Variants in KCNN3 observed in about 807,000 individuals in gnomAD.
KCNN3 encodes potassium calcium-activated channel subfamily N member 3.
A neutral mutation model predicts 62.9 loss-of-function variants in KCNN3; 16 were observed. The observed-to-expected ratio is 0.25, with a 90% CI of 0.17 to 0.39. The LOEUF is 0.39. Among genes scored for constraint, KCNN3 ranks in the 10% least tolerant of loss-of-function variants. The pLI, the probability that KCNN3 is intolerant of heterozygous loss-of-function variation, is 1.00. For missense variants in KCNN3, 599 were observed against 949.4 expected, an observed-to-expected ratio of 0.63 and a Z score of 4.85; for synonymous variants, 370 against 389.2, an observed-to-expected ratio of 0.95 and a Z score of 0.58.
At chr1:154,787,857 C>CTCTA (rs59119495) in intron 2 of KCNN3, among the ~76,000 whole-genome samples, 57,686 of 151,858 alleles carry the variant, frequency 0.38, 11,652 homozygotes, top group African/African-American at 0.51. Context: ...CTGCCACTTT[C>CTCTA]TCTGTCCTCC....
At chr1:154,791,976 A>T (rs962993201) in intron 2 of KCNN3, among the ~76,000 whole-genome samples, 1 of 152,222 alleles carries the variant, frequency 6.6e-6, no homozygotes, top group African/African-American at 2.4e-5. Flanking sequence ...GGCCAGGAAG[A>T]TCGCAAAGGA....
intron 1 of KCNN3, among the ~76,000 whole-genome samples, chr1:154,825,958 G>A (rs1390414695): frequency 1.3e-5 from 2 of 151,220 alleles, no homozygotes; most frequent in Non-Finnish European, 2.9e-5. Context: ...TGAGGCAGGA[G>A]AACGGCATGA....
In KCNN3 at chr1:154,771,988, G is replaced by A; in HGVS notation, c.1435C>T (p.Arg479Cys). ...CATGTGGAATACCTTTCACAGACAC[G>A]GACGGTCCAGGCAGCAATGATCCAC... ...SLWIIAAWTV[R>C]VCERYHDQQD... The change falls in exon 3 of 8, where the codon CGT becomes TGT. Residue 479 changes from arginine (R) to cysteine (C), a missense_variant. Physicochemically the swap from Arg to Cys is radical, Grantham distance 180. Transcript: ENST00000271915. The A allele has an allele frequency of 1.2e-6, 2 of 1,614,064 alleles. No individual in the cohort carries two copies. Among genetic ancestry groups the A allele is most frequent in the Non-Finnish European group, 1.7e-6 (2 of 1,180,030 alleles).
At position 154,708,096 on chromosome 1, in the gene KCNN3, G is replaced by T. The variant is rs758862833; in HGVS notation, c.2076C>A (p.Ile692=). ...RQQQQQLLSA[I]IEARGVSVAV... ...CCACGCTGACACCCCGGGCCTCGAT[G>T]ATGGCAGACAGGAGCTGCTGCTGCT... The change falls in exon 8 of 8, where the codon ATC becomes ATA. Residue 692 remains isoleucine, a synonymous_variant. Coordinates refer to ENST00000271915, the MANE Select transcript of KCNN3 (RefSeq NM_002249.6). 1.1e-5 allele frequency: 17 copies of T among 1,613,980 alleles called. No individual in the cohort carries two copies. The highest frequency in any genetic ancestry group is 1.4e-5 in the Non-Finnish European group (17 of 1,179,956).
In KCNN3 at chr1:154,705,245, C is replaced by A. The variant is rs1699945068; in HGVS notation, c.*2731G>T. On this transcript the variant is annotated 3_prime_UTR_variant, in exon 8 of 8. Transcript: ENST00000271915. The stretch of plus-strand genomic sequence containing the variant: ...AGGAAGAAAACTTGGGTGAGCTACA[C>A]CCAGAATAATTAATACTTAAGTCAT... 6.6e-6 allele frequency: 1 copy of A among 152,142 alleles called. No individual in the cohort carries two copies. The highest frequency in any genetic ancestry group is 1.5e-5 in the Non-Finnish European group (1 of 68,024). 9.4% of individuals were successfully genotyped at this position (152,142 alleles called of 1,614,324 possible).
intron 1 of KCNN3, among the ~76,000 whole-genome samples, chr1:154,844,298 C>G (rs189684247): frequency 2.0e-5 from 3 of 152,222 alleles, no homozygotes; most frequent in African/African-American, 7.2e-5. Context: ...GAGTAAGAGA[C>G]AAGGTTCTAG....
chr1:154,826,069 AAAAACAAAAACAAAAAC>A, intron 1 of KCNN3, among the ~76,000 whole-genome samples: 1 of 82,624 alleles, frequency 1.2e-5, no homozygotes, highest in African/African-American at 5.6e-5. Context: ...AAACAAAAAC[AAAAACAAAAACAAAAAC>A]AAAAAAAACC....
intron 2 of KCNN3, among the ~76,000 whole-genome samples, chr1:154,821,302 T>C (rs1226016080): frequency 6.6e-6 from 1 of 152,152 alleles, no homozygotes; most frequent in African/African-American, 2.4e-5. Context: ...CACATGCACA[T>C]GAGGAAAAAC....
chr1:154,726,099 G>T (rs376139489), intron 4 of KCNN3, 73 bp from the exon 5 acceptor site: 2 of 1,143,344 alleles, frequency 1.7e-6, no homozygotes, highest in Admixed American at 3.9e-5. Context: ...GACTCAACAC[G>T]CCTGGCGGCC....
At position 154,772,341 on chromosome 1, in the gene KCNN3, T is replaced by A; in HGVS notation, c.1082A>T (p.Glu361Val). 1 of 1,614,172 alleles carries A rather than the reference T, an allele frequency of 6.2e-7. No individual in the cohort carries two copies. Among genetic ancestry groups the A allele is most frequent in the South Asian group, 1.1e-5 (1 of 91,086 alleles). ...CTCCAGGCTGATGTACAGGATGCGC[T>A]CGTAGGTCATGGCTATCCGCCAGTC... is the stretch of plus-strand genomic sequence containing the variant. ...ADDWRIAMTYERILYISLEML... is the reference protein window; with the variant it reads ...ADDWRIAMTYVRILYISLEML... The change falls in exon 3 of 8, where the codon GAG becomes GTG. Residue 361 changes from glutamate to valine, a missense_variant. By Grantham distance (121) the Glu-to-Val change is moderately radical (BLOSUM62 -2). Coordinates refer to ENST00000271915, the MANE Select transcript of KCNN3 (RefSeq NM_002249.6). The surrounding 1 kb of genome is among the most constrained non-coding windows in gnomAD (Gnocchi z 5.6).
At chr1:154,737,206 T>TGGG (rs35539682) in intron 3 of KCNN3, 1 of 177,434 alleles carries the variant, frequency 5.6e-6, no homozygotes, top group South Asian at 8.6e-5. Flanking sequence ...ATAGAAAATT[T>TGGG]GGGGGGGGGG....
At chr1:154,795,442 T>C (rs1024093089) in intron 2 of KCNN3, among the ~76,000 whole-genome samples, 8 of 152,174 alleles carry the variant, frequency 5.3e-5, no homozygotes, top group African/African-American at 1.9e-4. Context: ...GTAAGGCTTC[T>C]CTGAAGGTTC....
chr1:154,864,907 G>A (rs1652896054), intron 1 of KCNN3, among the ~76,000 whole-genome samples: 2 of 152,062 alleles, frequency 1.3e-5, no homozygotes, highest in South Asian at 4.1e-4. Context: ...CAGATTGGTG[G>A]AAAAGAAGAG....
chr1:154,829,951 C>A (rs548394736), intron 1 of KCNN3, among the ~76,000 whole-genome samples: 2 of 152,132 alleles, frequency 1.3e-5, no homozygotes, highest in Non-Finnish European at 2.9e-5. Flanking sequence ...TTCTCACACC[C>A]CCACCAGAGT....
intron 2 of KCNN3, among the ~76,000 whole-genome samples, chr1:154,819,820 C>T (rs952702201): frequency 6.6e-6 from 1 of 152,170 alleles, no homozygotes; most frequent in Admixed American, 6.5e-5. Flanking sequence ...GTGGACCCAG[C>T]TGGTAAGTGC....
At chr1:154,847,047 CCT>C (rs1652094722) in intron 1 of KCNN3, among the ~76,000 whole-genome samples, 1 of 151,938 alleles carries the variant, frequency 6.6e-6, no homozygotes, top group African/African-American at 2.4e-5. Flanking sequence ...CACCCCCCTC[CCT>C]GAGCCCTGGG....
At position 154,869,491 on chromosome 1, in the gene KCNN3, G is replaced by A; in HGVS notation, c.474C>T (p.Ala158=). 6.2e-7 allele frequency: 1 copy of A among 1,614,066 alleles called. No individual in the cohort carries two copies. The highest frequency in any genetic ancestry group is 8.5e-7 in the Non-Finnish European group (1 of 1,180,004). The change falls in exon 1 of 8, where the codon GCC becomes GCT. Residue 158 remains alanine (A), a synonymous_variant. Coordinates refer to ENST00000271915, the MANE Select transcript of KCNN3 (RefSeq NM_002249.6). The surrounding 1 kb of genome is among the most constrained non-coding windows in gnomAD (Gnocchi z 6.1). The part of the protein sequence containing the change: ...GPGGGSRHRQ[A]SPLVHRRDSN... ...TGTCCCGCCGGTGCACCAGGGGGCT[G>A]GCCTGTCGGTGCCGGCTGCCTCCGC...
intron 3 of KCNN3, among the ~76,000 whole-genome samples, chr1:154,742,848 C>T (rs1409228273): frequency 6.6e-6 from 1 of 152,196 alleles, no homozygotes; most frequent in East Asian, 1.9e-4. Flanking sequence ...TCACCTGGGG[C>T]TTCGTCCTAG....
At chr1:154,737,181 G>T in intron 3 of KCNN3, 4 of 219,074 alleles carry the variant, frequency 1.8e-5, no homozygotes, top group South Asian at 5.2e-5. Context: ...TACTAATCTT[G>T]TGCTATTTTT....
Sources: allele counts gnomAD v4.1 joint callset (sites outside exome capture counted in the v4.1 genomes callset), GRCh38; gene constraint gnomAD v4.1.1; non-coding constraint Gnocchi (gnomAD v3.1); transcripts MANE v1.5; gene names NCBI Gene and HGNC (gene_info 2026-07-23, HGNC 2026-07-21).